PSG1: variants seen among roughly 807,000 people sequenced by gnomAD.
PSG1 encodes the protein pregnancy-specific beta-1-glycoprotein 1.
A neutral mutation model predicts 41.4 loss-of-function variants in PSG1; 60 were observed. The ratio of observed to expected loss-of-function variants is 1.45; its 90% CI spans 1.18 to 1.80. PSG1 has a LOEUF of 1.80. PSG1 is among the 40% of genes most tolerant of loss of function. The probability of loss-of-function intolerance (pLI) is 0.00; values close to 1 mark genes in which losing one functional copy is unlikely to be tolerated. For missense variants in PSG1, 806 were observed against 516.9 expected (o/e 1.56, Z -5.42); for synonymous variants, 256 against 192.9 (o/e 1.33, Z -2.71).
intron 3 of PSG1, 76 bp downstream of exon 3, chr19:42,871,691 G>A (rs1186681503): frequency 2.5e-6 from 4 of 1,612,142 alleles, no homozygotes; most frequent in Admixed American, 1.7e-5. Context: ...GACCTGAGAG[G>A]GACAGAGAGG....
chr19:42,872,765 C>T (rs563485008), intron 2 of PSG1, among the ~76,000 whole-genome samples: 1 of 151,800 alleles, frequency 6.6e-6, no homozygotes, highest in Admixed American at 6.6e-5. Flanking sequence ...CATGTTCTCT[C>T]TTCTGGGTCC....
intron 5 of PSG1, chr19:42,867,559 C>T: frequency 1.6e-6 from 1 of 635,382 alleles, no homozygotes; most frequent in East Asian, 2.9e-5. Context: ...GTAATATAAC[C>T]AATGATTTCA....
intron 4 of PSG1, 125 bp from the exon 5 acceptor site, chr19:42,868,480 C>G: frequency 2.0e-6 from 3 of 1,483,564 alleles, no homozygotes; most frequent in Non-Finnish European, 2.7e-6. Context: ...CCAACCCCCT[C>G]TATGTTCACT....
chr19:42,871,628 G>T, intron 3 of PSG1, 139 bp downstream of exon 3: 1 of 1,595,742 alleles, frequency 6.3e-7, no homozygotes, highest in Non-Finnish European at 8.6e-7. Flanking sequence ...GGTTTGCCTG[G>T]GGCACAAAGT....
chr19:42,872,324 G>T (rs1031597174), intron 2 of PSG1, among the ~76,000 whole-genome samples: 1 of 151,584 alleles, frequency 6.6e-6, no homozygotes, highest in Non-Finnish European at 1.5e-5. Flanking sequence ...CACAGCCCCT[G>T]GTGCCTCTGT....
chr19:42,879,023 A>C (rs1257109978), intron 1 of PSG1, among the ~76,000 whole-genome samples: 1 of 151,706 alleles, frequency 6.6e-6, no homozygotes, highest in Non-Finnish European at 1.5e-5. Context: ...TCAGGAAAAC[A>C]GAACACTTAA....
chr19:42,877,375 C>G (rs1363981036), intron 2 of PSG1, among the ~76,000 whole-genome samples: 3 of 151,632 alleles, frequency 2.0e-5, no homozygotes, highest in Non-Finnish European at 2.9e-5. Flanking sequence ...GGGCTGAGCC[C>G]TGGCTGGTGA....
chr19:42,870,315 A>G (rs1224553056), intron 3 of PSG1: 1 of 151,764 alleles, frequency 6.6e-6, no homozygotes, highest in African/African-American at 2.4e-5. Context: ...AAAATCTAAA[A>G]TGCTCCAGTG....
intron 3 of PSG1, 135 bp from the exon 4 acceptor site, chr19:42,869,169 C>T: frequency 6.6e-7 from 1 of 1,510,336 alleles, no homozygotes; most frequent in African/African-American, 1.4e-5. Flanking sequence ...GTGCTTTTGT[C>T]ACAAGATAGA....
intron 2 of PSG1, among the ~76,000 whole-genome samples, chr19:42,873,355 G>T (rs959049417): frequency 5.9e-5 from 9 of 151,614 alleles, no homozygotes; most frequent in Non-Finnish European, 1.3e-4. Context: ...TCACATCAGT[G>T]GTCAGAAGTG....
At chr19:42,871,735 G>A (rs763574425) in intron 3 of PSG1, 32 bp downstream of exon 3, 1 of 1,612,506 alleles carries the variant, frequency 6.2e-7, no homozygotes, top group Non-Finnish European at 8.5e-7. Flanking sequence ...TGGGATGGCA[G>A]CCTGGCTCAC....
chr19:42,867,481 C>G, intron 5 of PSG1: 1 of 581,270 alleles, frequency 1.7e-6, no homozygotes, highest in Non-Finnish European at 3.1e-6. Flanking sequence ...TGACTTCAGA[C>G]TTTGCCTGCA....
In PSG1 at chr19:42,871,947, T is replaced by A. The variant is rs139739931; in HGVS notation, c.529A>T (p.Ser177Cys). The change falls in exon 3 of 6, where the codon AGC (serine) becomes TGC (cysteine). Residue 177 changes from serine to cysteine, a missense_variant. Ser to Cys is a moderately radical substitution (Grantham distance 112). Transcript: ENST00000436291. ...LTCDPETPDA[S>C]YLWWMNGQSL... ...TGACCATTCATCCACCACAGGTAGC[T>A]TGCGTCTGGAGTCTCAGGGTCACAG... is the stretch of plus-strand genomic sequence containing the variant. The A allele has an allele frequency of 9.9e-6, 16 of 1,612,352 alleles. No homozygotes were observed. The African/African-American group carries it at 2.0e-4, about 20-fold the overall frequency.
At position 42,872,607 on chromosome 19, in the gene PSG1, G is replaced by A. The variant is rs1324149820; in HGVS notation, c.431-562C>T. 4.0e-5 allele frequency among the ~76,000 whole-genome samples: 6 copies of A among 151,792 alleles called. 1 individual carries two copies. Among genetic ancestry groups the A allele is most frequent in the Non-Finnish European group, 8.8e-5 (6 of 67,902 alleles). On this transcript the variant is annotated intron_variant, in intron 2 of 5. Transcript: ENST00000436291. ...AGCCTGGAGGTCAGTTCAGTCATCA[G>A]GCAGTGGAGCCACGAGGTGGGGCAG... is the stretch of plus-strand genomic sequence containing the variant.
chr19:42,871,919 C>T lies in PSG1; in HGVS notation c.557G>A (p.Ser186Asn), dbSNP rs766886374. Residue 186 changes from serine (S) to asparagine (N), a missense_variant, in exon 3 of 6, where the codon AGC (serine) becomes AAC (asparagine). Coordinates refer to ENST00000436291, the MANE Select transcript of PSG1 (RefSeq NM_001184825.2). ...CTTCAAGCTGTGAGTCATAGGGAGG[C>T]TCTGACCATTCATCCACCACAGGTA... ...ASYLWWMNGQ[S>N]LPMTHSLKLS... 1.9e-6 allele frequency: 3 copies of T among 1,612,430 alleles called. No individual in the cohort carries two copies. Among genetic ancestry groups the T allele is most frequent in the Non-Finnish European group, 2.5e-6 (3 of 1,179,202 alleles).
At chr19:42,867,259 T>A in intron 5 of PSG1, 109 bp from the exon 6 acceptor site, 1 of 725,140 alleles carries the variant, frequency 1.4e-6, no homozygotes, top group Non-Finnish European at 2.5e-6. Context: ...TGGGCATCTC[T>A]ACTTTTACCA....
chr19:42,879,092 C>G (rs1314575381), intron 1 of PSG1, among the ~76,000 whole-genome samples: 5 of 151,554 alleles, frequency 3.3e-5, no homozygotes, highest in African/African-American at 1.2e-4. Context: ...TGACCCCTGT[C>G]CCTCTCTGGT....
Position 42,868,935 on chromosome 19 carries a change from G to A in PSG1, c.809C>T (p.Thr270Ile). 2 of 1,610,632 alleles carry A rather than the reference G, an allele frequency of 1.2e-6. No homozygotes were observed. Among genetic ancestry groups the A allele is most frequent in the Non-Finnish European group, 8.5e-7 (1 of 1,179,086 alleles). Residue 270 changes from threonine to isoleucine, a missense_variant, in exon 4 of 6, where the codon ACC becomes ATC. By Grantham distance (89) the Thr-to-Ile change is moderately conservative. Transcript: ENST00000436291. Reference sequence around the variant, plus strand: ...CTGACCATTTAGCCACCAAATGTAGGTGTAGTTCTCACTCTTAGGTTCACA... The same window carrying A: ...CTGACCATTTAGCCACCAAATGTAGATGTAGTTCTCACTCTTAGGTTCACA... ...FTCEPKSENYTYIWWLNGQSL... is the reference protein window; with the variant it reads ...FTCEPKSENYIYIWWLNGQSL...
chr19:42,867,267 C>A, intron 5 of PSG1, 117 bp from the exon 6 acceptor site: 3 of 713,522 alleles, frequency 4.2e-6, no homozygotes, highest in Admixed American at 2.0e-5. Flanking sequence ...TCTACTTTTA[C>A]CAATGATAAT....
Sources: allele counts gnomAD v4.1 joint callset (sites outside exome capture counted in the v4.1 genomes callset), GRCh38; gene constraint gnomAD v4.1.1; transcripts MANE v1.5; gene names NCBI Gene and HGNC (gene_info 2026-07-23, HGNC 2026-07-21).